TSPEAR: variants seen among roughly 807,000 people sequenced by gnomAD.
TSPEAR encodes the protein thrombospondin type laminin G domain and EAR repeats.
Under a neutral mutation model 71.6 loss-of-function variants are expected in TSPEAR, and 69 were observed. The ratio of observed to expected loss-of-function variants is 0.96; its 90% confidence interval spans 0.79 to 1.18. The LOEUF (loss-of-function observed/expected upper bound fraction) is 1.18. TSPEAR is among the 50% of genes most tolerant of loss of function. TSPEAR has a pLI of 0.00. For synonymous variants in TSPEAR, 402 were observed against 387.2 expected, an observed-to-expected ratio of 1.04 and a Z score of -0.45; for missense variants, 971 against 894.9, an observed-to-expected ratio of 1.09 and a Z score of -1.09.
intron 1 of TSPEAR, chr21:44,647,275 T>G (rs782076050): frequency 6.2e-7 from 1 of 1,602,050 alleles, no homozygotes; most frequent in Non-Finnish European, 8.5e-7. Context: ...CCCGGCCTCC[T>G]GCGTGTCCCT....
intron 1 of TSPEAR, among the ~76,000 whole-genome samples, chr21:44,650,068 A>G (rs909059371): frequency 2.0e-5 from 3 of 152,096 alleles, no homozygotes; most frequent in African/African-American, 7.2e-5. Flanking sequence ...CAGAAAATAC[A>G]ATACAATTTA....
intron 1 of TSPEAR, among the ~76,000 whole-genome samples, chr21:44,569,159 C>T (rs1555922177): frequency 6.6e-6 from 1 of 152,218 alleles, no homozygotes; most frequent in Non-Finnish European, 1.5e-5. Flanking sequence ...CTTCGATCCT[C>T]TGTGTCCTCC....
intron 9 of TSPEAR, chr21:44,517,950 C>CTTTT: frequency 2.3e-6 from 1 of 428,136 alleles, no homozygotes; most frequent in Non-Finnish European, 4.8e-6. Context: ...TCACCCTCTT[C>CTTTT]TTTTTTTTCT....
At position 44,575,390 on chromosome 21, in the gene TSPEAR, A is replaced by G. The variant is rs932209126; in HGVS notation, c.83-7385T>C. ...GCGCTGACACCCAGGTGTGTTGATT[A>G]ATGCCTTGGCTGGAGCTCACGGCCA... On this transcript the variant is annotated intron_variant, in intron 1 of 11. Transcript: ENST00000323084. 1.0e-4 allele frequency: 26 copies of G among 253,086 alleles called. No homozygotes were observed. The Admixed American group carries it at 1.1e-3, about 10-fold the overall frequency. 15.7% of individuals were successfully genotyped at this position (253,086 alleles called of 1,614,324 possible). A position where few individuals can be genotyped will look rare whatever the true frequency, so the allele number is the denominator to read the frequency against.
rs1988198119 is a variant in TSPEAR, at chr21:44,711,143, CT to C, written c.82+289del. Among the ~76,000 whole-genome samples, 1 of 152,202 alleles carries C rather than the reference CT, an allele frequency of 6.6e-6. No individual in the cohort carries two copies. The highest frequency in any genetic ancestry group is 2.1e-4 in the South Asian group (1 of 4,834). On this transcript the variant is annotated intron_variant, in intron 1 of 11. Transcript: ENST00000323084. This position sits in a 1 kb window ranked among gnomAD's most constrained non-coding sequence, Gnocchi z 4.5. ...TCCCGGGAGGCCCAGCAGGTAAGCACTTGTGGAGGCCCCGGTGGCTGCTGGT... is the reference window on the plus strand; with the variant it reads ...TCCCGGGAGGCCCAGCAGGTAAGCACTGTGGAGGCCCCGGTGGCTGCTGGT...
intron 2 of TSPEAR, among the ~76,000 whole-genome samples, chr21:44,540,978 AT>A (rs201197414): frequency 0.019 from 2,741 of 141,392 alleles, 40 homozygotes; most frequent in African/African-American, 0.057. Flanking sequence ...TCTTAAATTT[AT>A]TTTTTTTTTT....
In TSPEAR at chr21:44,517,755, A is replaced by C. The variant is rs202122569; in HGVS notation, c.1566+4128T>G. The stretch of plus-strand genomic sequence containing the variant: ...TCTGTGGACATCACTCGCCTTCAGA[A>C]CACTGAGCCCTCCTACCTCCTGATA... On this transcript the variant is annotated intron_variant, in intron 9 of 11. Coordinates refer to ENST00000323084, the MANE Select transcript of TSPEAR (RefSeq NM_144991.3). 189 of 471,174 alleles carry C rather than the reference A, an allele frequency of 4.0e-4. 2 individuals are homozygous for C. In the East Asian group the frequency reaches 0.011, roughly 28 times the overall value. The allele number at this position is 471,174 out of a possible 1,614,324, so 29.2% of individuals were successfully genotyped here. A position where few individuals can be genotyped will look rare whatever the true frequency, so the allele number is the denominator to read the frequency against.
chr21:44,546,371 G>A lies in TSPEAR; in HGVS notation c.304-12448C>T, dbSNP rs952793690. Among the ~76,000 whole-genome samples, 1 of 152,210 alleles carries A rather than the reference G, an allele frequency of 6.6e-6. No individual in the cohort carries two copies. The highest frequency in any genetic ancestry group is 2.4e-5 in the African/African-American group (1 of 41,456). ...CACTTTCTCTTCAGAGTCTCGCTCT[G>A]TTGCCCAGGCTGGAGTGCAGTGGTG... On this transcript the variant is annotated intron_variant, in intron 2 of 11. Coordinates refer to ENST00000323084, the MANE Select transcript of TSPEAR (RefSeq NM_144991.3). This position sits in a 1 kb window ranked among gnomAD's most constrained non-coding sequence, Gnocchi z 4.4.
At chr21:44,656,612 A>G (rs4818728) in intron 1 of TSPEAR, among the ~76,000 whole-genome samples, 116,845 of 151,958 alleles carry the variant, frequency 0.77, 45,422 homozygotes, top group African/African-American at 0.89. Flanking sequence ...TAATTTTTTG[A>G]TTTTCATTAC....
intron 1 of TSPEAR, chr21:44,637,536 T>C: frequency 6.2e-7 from 1 of 1,613,576 alleles, no homozygotes; most frequent in Non-Finnish European, 8.5e-7. Context: ...AGCTTGACCC[T>C]GGTCTGCACC....
chr21:44,513,467 G>A lies in TSPEAR; in HGVS notation c.1567-4081C>T, dbSNP rs371669871. On this transcript the variant is annotated intron_variant, in intron 9 of 11. Coordinates refer to ENST00000323084, the MANE Select transcript of TSPEAR (RefSeq NM_144991.3). ...GGCCCTGCCAAACCCTGGCTGGCAC[G>A]GGAGCCAAGCGACCAGGCACCTGCT... 3.7e-4 allele frequency among the ~76,000 whole-genome samples: 56 copies of A among 152,354 alleles called. No homozygotes were observed. In the East Asian group the frequency reaches 9.8e-3, roughly 27 times the overall value.
At chr21:44,533,573 T>G in intron 3 of TSPEAR, 112 bp downstream of exon 3, 1 of 921,464 alleles carries the variant, frequency 1.1e-6, no homozygotes, top group Non-Finnish European at 1.6e-6. Flanking sequence ...CCTGGTCAGC[T>G]CCTGCCCCAG....
In TSPEAR at chr21:44,528,461, C is replaced by T. The variant is rs963392857; in HGVS notation, c.913G>A (p.Val305Met). The stretch of plus-strand genomic sequence containing the variant: ...TGCAGGGCTGCCTCACCTGCTAACA[C>T]GGAGACCCACTCGTTGCCAACACAC... ...YLCVGNEWVSVLAAKERLDYV... is the reference protein window; with the variant it reads ...YLCVGNEWVSMLAAKERLDYV... The change falls in exon 6 of 12, where the codon GTG (valine) becomes ATG (methionine). Residue 305 changes from valine to methionine, a missense_variant. Physicochemically the swap from Val to Met is conservative, Grantham distance 21. Coordinates refer to ENST00000323084, the MANE Select transcript of TSPEAR (RefSeq NM_144991.3). 11 of 1,613,864 alleles carry T rather than the reference C, an allele frequency of 6.8e-6. No homozygotes were observed. Among genetic ancestry groups the T allele is most frequent in the East Asian group, 4.5e-5 (2 of 44,888 alleles).
Position 44,593,470 on chromosome 21 carries a change from C to A in TSPEAR, c.83-25465G>T, listed in dbSNP as rs1473196913. Among the ~76,000 whole-genome samples, 1 of 152,192 alleles carries A rather than the reference C, an allele frequency of 6.6e-6. No individual in the cohort carries two copies. Among genetic ancestry groups the A allele is most frequent in the South Asian group, 2.1e-4 (1 of 4,824 alleles). ...GTTGATCTCACTGCAAACCCATTGCCAGTGTAAACGAAACATAAAATCCTA... is the reference window on the plus strand; with the variant it reads ...GTTGATCTCACTGCAAACCCATTGCAAGTGTAAACGAAACATAAAATCCTA... On this transcript the variant is annotated intron_variant, in intron 1 of 11. Coordinates refer to ENST00000323084, the MANE Select transcript of TSPEAR (RefSeq NM_144991.3). The surrounding 1 kb of genome is among the most constrained non-coding windows in gnomAD (Gnocchi z 5.9).
intron 1 of TSPEAR, among the ~76,000 whole-genome samples, chr21:44,692,275 T>A (rs775778950): frequency 5.3e-5 from 8 of 152,300 alleles, no homozygotes; most frequent in Non-Finnish European, 1.0e-4. Flanking sequence ...GACTGAAAGC[T>A]TTCCCCCTAA....
chr21:44,697,784 G>A (rs782206458), intron 1 of TSPEAR: 112 of 1,613,754 alleles, frequency 6.9e-5, no homozygotes, highest in East Asian at 2.0e-4. Context: ...CTCCTCCTCC[G>A]TGTCCCTCCT....
intron 1 of TSPEAR, among the ~76,000 whole-genome samples, chr21:44,653,963 C>T (rs1984963324): frequency 6.6e-6 from 1 of 152,138 alleles, no homozygotes; most frequent in Admixed American, 6.5e-5. Context: ...GTGGGAAAGA[C>T]ACTGAGGAGA....
chr21:44,650,222 AAAAAG>A (rs1271528575), intron 1 of TSPEAR, among the ~76,000 whole-genome samples: 1 of 152,150 alleles, frequency 6.6e-6, no homozygotes, highest in Non-Finnish European at 1.5e-5. Context: ...TCCAAAAAAA[AAAAAG>A]AAAGAAAAGG....
At position 44,567,000 on chromosome 21, in the gene TSPEAR, A is replaced by G. The variant is rs587729184; in HGVS notation, c.303+785T>C. Among the ~76,000 whole-genome samples, 117 of 152,340 alleles carry G rather than the reference A, an allele frequency of 7.7e-4. 2 individuals are homozygous for G. Among genetic ancestry groups the G allele is most frequent in the African/African-American group, 2.7e-3 (112 of 41,574 alleles). ...AAGTACAAGCAACAAAATAAAAAAA[A>G]TAGATAAATTGAACATCATCATGGT... On this transcript the variant is annotated intron_variant, in intron 2 of 11. Coordinates refer to ENST00000323084, the MANE Select transcript of TSPEAR (RefSeq NM_144991.3).
Sources: gnomAD v4.1 joint callset for allele counts (sites outside exome capture counted in the v4.1 genomes callset) on GRCh38, gnomAD v4.1.1 for gene constraint, Gnocchi (gnomAD v3.1) non-coding constraint, MANE v1.5 for transcripts, NCBI Gene and HGNC (gene_info 2026-07-23, HGNC 2026-07-21) for gene names.